The following CEP170B variants were observed in gnomAD, a reference collection of about 807,000 sequenced individuals.
The protein encoded by CEP170B is centrosomal protein 170B.
A neutral mutation model predicts 120.6 loss-of-function variants in CEP170B; 55 were observed. The ratio of observed to expected loss-of-function variants is 0.46; its 90% CI spans 0.37 to 0.57. The LOEUF is 0.57. Among genes scored for constraint, CEP170B ranks in the 20% least tolerant of loss-of-function variants. The pLI, the probability that CEP170B is intolerant of heterozygous loss-of-function variation, is 0.00. For synonymous variants in CEP170B, 1,033 were observed against 954.5 expected (o/e 1.08, Z -1.52); for missense variants, 2,212 against 2,253.3 (o/e 0.98, Z 0.37).
Position 104,887,475 on chromosome 14 carries a change from G to A in CEP170B, c.3236G>A (p.Arg1079His), listed in dbSNP as rs753374147. ...EATGAGRLGSRRKPAAPPPSP... is the reference protein window; with the variant it reads ...EATGAGRLGSHRKPAAPPPSP... ...ACCGGGGCAGGACGGCTAGGTTCTC[G>A]CCGGAAACCAGCGGCCCCACCGCCA... The change falls in exon 12 of 19, where the codon CGC becomes CAC. Residue 1079 changes from arginine (R) to histidine (H), a missense_variant. By Grantham distance (29) the Arg-to-His change is conservative (BLOSUM62 0). Around this residue, in one of 2 missense-constraint regions of CEP170B, gnomAD observed 2,166 missense variants for 2,166.7 expected, o/e 1.00. Coordinates refer to ENST00000414716, the MANE Select transcript of CEP170B (RefSeq NM_001112726.3). 16 of 1,611,712 alleles carry A rather than the reference G, an allele frequency of 9.9e-6. No homozygotes were observed. The highest frequency in any genetic ancestry group is 1.7e-5 in the Admixed American group (1 of 59,956).
rs368962009 is a variant in CEP170B at position 104,884,171 on chromosome 14, C to T, written c.1392C>T (p.Ala464=). Residue 464 remains alanine, a synonymous_variant, in exon 9 of 19, where the codon GCC becomes GCT. Transcript: ENST00000414716. ...GCCGCAGCTCGGGGCCACAGAGGGCCGGCTCGCTCAAGCGGGAGAAGACAG... is the reference window on the plus strand; with the variant it reads ...GCCGCAGCTCGGGGCCACAGAGGGCTGGCTCGCTCAAGCGGGAGAAGACAG... The part of the protein sequence containing the change: ...AGGRSSGPQR[A]GSLKREKTEE... 1.9e-5 allele frequency: 29 copies of T among 1,548,828 alleles called. No individual in the cohort carries two copies. Among genetic ancestry groups the T allele is most frequent in the African/African-American group, 4.1e-5 (3 of 73,180 alleles).
rs1299212858 is a variant in CEP170B at position 104,886,321 on chromosome 14, T to A, written c.2082T>A (p.Pro694=). The A allele has an allele frequency of 6.4e-7, 1 of 1,551,172 alleles. No homozygotes were observed. Among genetic ancestry groups the A allele is most frequent in the African/African-American group, 1.4e-5 (1 of 73,926 alleles). ...RRGGEPEGSL[P]VRMRRRLPQL... ...GCGGGGAGCCGGAGGGGTCCCTGCCTGTGCGCATGCGGCGACGGCTCCCTC... is the reference window on the plus strand; with the variant it reads ...GCGGGGAGCCGGAGGGGTCCCTGCCAGTGCGCATGCGGCGACGGCTCCCTC... Residue 694 remains proline, a synonymous_variant, in exon 12 of 19, where the codon CCT becomes CCA. Transcript: ENST00000414716.
intron 18 of CEP170B, 30 bp from the exon 19 acceptor site, chr14:104,894,681 C>T (rs749073042): frequency 6.4e-6 from 10 of 1,570,818 alleles, no homozygotes; most frequent in South Asian, 3.5e-5. Flanking sequence ...GAACTGGATC[C>T]GCAGCCTGAC....
chr14:104,885,579 G>A, intron 10 of CEP170B, 37 bp downstream of exon 10: 1 of 1,527,132 alleles, frequency 6.5e-7, no homozygotes, highest in South Asian at 1.2e-5. Flanking sequence ...GAGGGGCTGG[G>A]CAGGAAGAGG....
Position 104,870,176 on chromosome 14 carries a change from C to G in CEP170B, c.105+1621C>G, listed in dbSNP as rs531856548. On this transcript the variant is annotated intron_variant, in intron 2 of 18. Transcript: ENST00000414716. The surrounding 1 kb of genome is among the most constrained non-coding windows in gnomAD (Gnocchi z 4.1). ...ATCCACTGCAGCCCAGGCCTGTGGC[C>G]GTGGTGAGGGGCAGCCAGGGAGCGA... is the stretch of plus-strand genomic sequence containing the variant. Among the ~76,000 whole-genome samples, 113 of 152,250 alleles carry G rather than the reference C, an allele frequency of 7.4e-4. No homozygotes were observed. The highest frequency in any genetic ancestry group is 2.6e-3 in the African/African-American group (110 of 41,538).
In CEP170B at chr14:104,886,922, C is replaced by T. The variant is rs779292100; in HGVS notation, c.2683C>T (p.Leu895=). 251 of 1,609,758 alleles carry T rather than the reference C, an allele frequency of 1.6e-4. 2 individuals carry two copies. The South Asian group carries it at 2.1e-3, about 13-fold the overall frequency. ...CTCCAGCCACCCGCTTCTACAGGAC[C>T]TGGCCGCTACCCGGGCCGCACGCAT... ...HISSHPLLQD[L]AATRAARMDF... Residue 895 remains leucine (L), a synonymous_variant, in exon 12 of 19, where the codon CTG becomes TTG. Transcript: ENST00000414716.
intron 10 of CEP170B, 118 bp downstream of exon 10, chr14:104,885,660 A>G: frequency 7.6e-7 from 1 of 1,314,832 alleles, no homozygotes; most frequent in Non-Finnish European, 1.0e-6. Flanking sequence ...TCTGAGGGAC[A>G]CGCTCAGAGG....
Position 104,884,451 on chromosome 14 carries a change from CAGG to C in CEP170B, c.1680_1682del (p.Glu560del). The C allele has an allele frequency of 3.2e-6, 5 of 1,554,890 alleles. No homozygotes were observed. Among genetic ancestry groups the C allele is most frequent in the South Asian group, 1.2e-5 (1 of 84,278 alleles). ...CCCCCAGCTGACCAAGGCACGGAAA[CAGG>C]AGGAGGACGACAGCCTCAGTGACGC... On this transcript the variant is annotated inframe_deletion, in exon 9 of 19. Transcript: ENST00000414716.
chr14:104,878,225 G>A (rs899285392), intron 4 of CEP170B, among the ~76,000 whole-genome samples: 3 of 152,074 alleles, frequency 2.0e-5, no homozygotes, highest in African/African-American at 7.2e-5. Flanking sequence ...CATGGGGCCT[G>A]GGGAACTGGT....
chr14:104,893,118 A>G lies in CEP170B; in HGVS notation c.4021A>G (p.Ile1341Val), dbSNP rs780891965. Residue 1341 changes from isoleucine to valine, a missense_variant, in exon 14 of 19, where the codon ATC (isoleucine) becomes GTC (valine). Ile to Val is a conservative substitution (Grantham distance 29). This residue lies in a region of CEP170B where 2,166 missense variants were observed against 2,166.7 expected (regional missense o/e 1.00). Transcript: ENST00000414716. The part of the protein sequence containing the change: ...SNMPSTPAST[I>V]SAREELVQRI... ...CATGCCCAGCACCCCCGCCTCGACC[A>G]TCTCTGCCCGGGAGGAGGTGAGCCC... The G allele has an allele frequency of 6.2e-7, 1 of 1,609,066 alleles. No individual in the cohort carries two copies. Among genetic ancestry groups the G allele is most frequent in the African/African-American group, 1.3e-5 (1 of 74,812 alleles).
intron 13 of CEP170B, among the ~76,000 whole-genome samples, chr14:104,890,122 A>G (rs1595356704): frequency 1.6e-5 from 1 of 61,024 alleles, no homozygotes; most frequent in Non-Finnish European, 3.1e-5. Context: ...GGATGGATGG[A>G]TGGATGGGAG....
intron 2 of CEP170B, among the ~76,000 whole-genome samples, chr14:104,874,693 CA>C (rs2140648410): frequency 6.6e-6 from 1 of 150,656 alleles, no homozygotes; most frequent in South Asian, 2.1e-4. Flanking sequence ...GTCCTCCCCT[CA>C]GTCCTCCACT....
At chr14:104,869,956 CTG>C (rs1402255516) in intron 2 of CEP170B, among the ~76,000 whole-genome samples, 1 of 152,270 alleles carries the variant, frequency 6.6e-6, no homozygotes, top group Non-Finnish European at 1.5e-5. Flanking sequence ...CCTCTTGAGT[CTG>C]GACCCAGCAG....
In CEP170B at chr14:104,885,993, C is replaced by T. The variant is rs202076471; in HGVS notation, c.1945-47C>T. The T allele has an allele frequency of 2.9e-5, 42 of 1,471,838 alleles. No homozygotes were observed. In the African/African-American group the frequency reaches 5.0e-4, roughly 17 times the overall value. The allele number at this position is 1,471,838 out of a possible 1,614,324, so 91.2% of individuals were successfully genotyped here. Reference sequence around the variant, plus strand: ...CTGTTCCCTGGCACCCCCTGCTTCTCGCCGTTGGGCTTGCGTGTGGAAACA... The same window carrying T: ...CTGTTCCCTGGCACCCCCTGCTTCTTGCCGTTGGGCTTGCGTGTGGAAACA... On this transcript the variant is annotated intron_variant, in intron 10 of 18. Coordinates refer to ENST00000414716, the MANE Select transcript of CEP170B (RefSeq NM_001112726.3).
Position 104,876,271 on chromosome 14 carries a change from A to G in CEP170B, c.121A>G (p.Lys41Glu). Residue 41 changes from lysine (K) to glutamate (E), a missense_variant, in exon 3 of 19, where the codon AAG (lysine) becomes GAG (glutamate). By Grantham distance (56) the Lys-to-Glu change is moderately conservative. This residue lies in a region of CEP170B where 46 missense variants were observed against 86.6 expected (regional missense o/e 0.53). Transcript: ENST00000414716. ...ELMLQSRSVD[K>E]QHAVINYDQD... ...GTCTCTCCAGTCCCGCAGCGTGGACAAGCAGCATGCCGTCATCAACTACGA... is the reference window on the plus strand; with the variant it reads ...GTCTCTCCAGTCCCGCAGCGTGGACGAGCAGCATGCCGTCATCAACTACGA... 1 of 1,550,790 alleles carries G rather than the reference A, an allele frequency of 6.4e-7. No homozygotes were observed. Among genetic ancestry groups the G allele is most frequent in the Non-Finnish European group, 8.7e-7 (1 of 1,146,806 alleles).
chr14:104,875,630 C>T (rs1372240148), intron 2 of CEP170B, among the ~76,000 whole-genome samples: 2 of 152,098 alleles, frequency 1.3e-5, no homozygotes, highest in South Asian at 2.1e-4. Context: ...GTGCTCGCAG[C>T]GCTTAAGCAA....
chr14:104,876,950 A>C (rs1247475179), intron 3 of CEP170B, among the ~76,000 whole-genome samples: 1 of 152,172 alleles, frequency 6.6e-6, no homozygotes, highest in Non-Finnish European at 1.5e-5. Context: ...GGAAGCAGGC[A>C]GGAAGGCTGG....
chr14:104,887,404 A>G lies in CEP170B; in HGVS notation c.3165A>G (p.Leu1055=). Residue 1055 remains leucine, a synonymous_variant, in exon 12 of 19, where the codon CTA becomes CTG. Coordinates refer to ENST00000414716, the MANE Select transcript of CEP170B (RefSeq NM_001112726.3). The part of the protein sequence containing the change: ...SEERGPVLAH[L]PSSDVMASNH... The stretch of plus-strand genomic sequence containing the variant: ...AGCGTGGCCCTGTCCTCGCCCACCT[A>G]CCCAGCTCAGATGTGATGGCCTCCA... 6.2e-7 allele frequency: 1 copy of G among 1,612,040 alleles called. No individual in the cohort carries two copies.
At chr14:104,885,648 C>T in intron 10 of CEP170B, 106 bp downstream of exon 10, 1 of 1,408,896 alleles carries the variant, frequency 7.1e-7, no homozygotes, top group African/African-American at 1.5e-5. Context: ...ACTGGACTTT[C>T]CTCTGAGGGA....
Sources: gnomAD v4.1 joint callset for allele counts (sites outside exome capture counted in the v4.1 genomes callset) on GRCh38, gnomAD v4.1.1 for gene constraint, gnomAD v4.1.1 regional missense constraint, Gnocchi (gnomAD v3.1) non-coding constraint, MANE v1.5 for transcripts, NCBI Gene and HGNC (gene_info 2026-07-23, HGNC 2026-07-21) for gene names.